The following ENO1 variants were observed in gnomAD, a reference collection of about 807,000 sequenced individuals.
The protein encoded by ENO1 is alpha-enolase.
ENO1 carries 33 observed loss-of-function variants against 46.3 expected under a neutral mutation model. The ratio of observed to expected loss-of-function variants is 0.71; its 90% CI spans 0.54 to 0.95. The LOEUF is 0.95. ENO1 is among the 40% of genes least tolerant of loss of function. ENO1 has a pLI of 0.00. For missense variants in ENO1, 488 were observed against 553.3 expected (o/e 0.88, Z 1.18); for synonymous variants, 220 against 216.0 (o/e 1.02, Z -0.16).
Position 8,865,433 on chromosome 1 carries a change from C to G in ENO1, c.717G>C (p.Lys239Asn), listed in dbSNP as rs762407240. 38 of 1,613,804 alleles carry G rather than the reference C, an allele frequency of 2.4e-5. No individual in the cohort carries two copies. In the East Asian group the frequency reaches 8.2e-4, roughly 35 times the overall value. The change falls in exon 8 of 12, where the codon AAG becomes AAC. Residue 239 changes from lysine (K) to asparagine (N), a missense_variant. Physicochemically the swap from Lys to Asn is moderately conservative, Grantham distance 94. Coordinates refer to ENST00000234590, the MANE Select transcript of ENO1 (RefSeq NM_001428.5). ...TAIGKAGYTD[K>N]VVIGMDVAAS... is the part of the protein sequence containing the mutation. ...CCGCTACGTCCATGCCGATGACCAC[C>G]TTATCAGTGTAGCCAGCTTTCCCAA...
In ENO1 at chr1:8,866,435, G is replaced by A; in HGVS notation, c.511C>T (p.Leu171Phe). ...CTGAAGTTTGCTGCACCGACTGGGA[G>A]GATCATGAACTCCTGCATGGCCAGC... Reference protein sequence around the residue: ...NKLAMQEFMILPVGAANFREA... With the variant: ...NKLAMQEFMIFPVGAANFREA... The change falls in exon 7 of 12, where the codon CTC (leucine) becomes TTC (phenylalanine). Residue 171 changes from leucine to phenylalanine, a missense_variant. Leu to Phe is a conservative substitution (Grantham distance 22). Transcript: ENST00000234590. 2 of 1,614,232 alleles carry A rather than the reference G, an allele frequency of 1.2e-6. No individual in the cohort carries two copies. Among genetic ancestry groups the A allele is most frequent in the East Asian group, 2.2e-5 (1 of 44,884 alleles).
intron 6 of ENO1, 75 bp downstream of exon 6, chr1:8,867,042 T>C (rs773140693): frequency 6.4e-6 from 10 of 1,572,472 alleles, no homozygotes; most frequent in Non-Finnish European, 8.7e-6. Flanking sequence ...TATCAAGGCA[T>C]AGGAGGTCTC....
chr1:8,878,614 C>T lies in ENO1; in HGVS notation c.-44G>A. ...GGGTCTCGTCGCCTAGGAGAGGAAGCGGAGGGTGCTGCAGACACCGAGGTG... is the reference window on the plus strand; with the variant it reads ...GGGTCTCGTCGCCTAGGAGAGGAAGTGGAGGGTGCTGCAGACACCGAGGTG... On this transcript the variant is annotated 5_prime_UTR_variant, in exon 1 of 12. Transcript: ENST00000234590. 1 of 456,078 alleles carries T rather than the reference C, an allele frequency of 2.2e-6. No individual in the cohort carries two copies. The highest frequency in any genetic ancestry group is 1.5e-5 in the South Asian group (1 of 64,566). 28.3% of individuals were successfully genotyped at this position (456,078 alleles called of 1,614,324 possible). A position where few individuals can be genotyped will look rare whatever the true frequency, so the allele number is the denominator to read the frequency against.
At chr1:8,878,210 C>T (rs1056127572) in intron 1 of ENO1, 1 of 196,152 alleles carries the variant, frequency 5.1e-6, no homozygotes, top group African/African-American at 2.4e-5. Context: ...TCCCAAAAAC[C>T]TTACACTTGG....
chr1:8,864,041 T>TTC lies in ENO1; in HGVS notation c.915_916dup (p.Lys306ArgfsTer11). The TTC allele has an allele frequency of 6.2e-7, 1 of 1,614,168 alleles. No individual in the cohort carries two copies. The highest frequency in any genetic ancestry group is 1.3e-5 in the African/African-American group (1 of 75,036). On this transcript the variant is annotated frameshift_variant, in exon 9 of 12. Transcript: ENST00000234590. LOFTEE classifies it high-confidence loss of function. ...CTGGATTCCTGCACTGGCTGTGAAC[T>TTC]TCTGCCAAGCTCCCCAGTCATCCTG...
chr1:8,867,276 A>C (rs746684013), intron 5 of ENO1, 26 bp from the exon 6 acceptor site: 1 of 1,611,970 alleles, frequency 6.2e-7, no homozygotes, highest in East Asian at 2.2e-5. Flanking sequence ...ACCGAGTGGA[A>C]TGAAGTCATT....
intron 9 of ENO1, among the ~76,000 whole-genome samples, 157 bp downstream of exon 9, chr1:8,863,729 GTTTAA>G (rs1289485247): frequency 2.0e-5 from 3 of 152,126 alleles, no homozygotes; most frequent in Non-Finnish European, 4.4e-5. Context: ...GGCCCCAATT[GTTTAA>G]TTTAAAAGGC....
intron 8 of ENO1, among the ~76,000 whole-genome samples, chr1:8,864,524 C>A (rs78542799): frequency 6.6e-6 from 1 of 152,214 alleles, no homozygotes; most frequent in Non-Finnish European, 1.5e-5. Flanking sequence ...CTAGGCTGAT[C>A]TCAAACTCCT....
At chr1:8,870,927 A>G in intron 3 of ENO1, 1 of 1,256,148 alleles carries the variant, frequency 8.0e-7, no homozygotes, top group East Asian at 2.9e-5. Flanking sequence ...AGAGACTCAG[A>G]AGAGAACCGG....
At position 8,866,329 on chromosome 1, in the gene ENO1, T is replaced by C. The variant is rs762484760; in HGVS notation, c.617A>G (p.Asn206Ser). Reference sequence around the variant, plus strand: ...AGCAAACCCGCCTTCATCCCCCACATTGGTGGCATCTTTCCCATATTTCTC... The same window carrying C: ...AGCAAACCCGCCTTCATCCCCCACACTGGTGGCATCTTTCCCATATTTCTC... ...IKEKYGKDAT[N>S]VGDEGGFAPN... The change falls in exon 7 of 12, where the codon AAT (asparagine) becomes AGT (serine). Residue 206 changes from asparagine (N) to serine (S), a missense_variant. By Grantham distance (46) the Asn-to-Ser change is conservative. Transcript: ENST00000234590. 2.5e-6 allele frequency: 4 copies of C among 1,614,104 alleles called. No homozygotes were observed. Among genetic ancestry groups the C allele is most frequent in the Admixed American group, 3.3e-5 (2 of 60,024 alleles).
intron 3 of ENO1, chr1:8,870,997 A>T: frequency 8.0e-7 from 1 of 1,243,670 alleles, no homozygotes; most frequent in African/African-American, 1.5e-5. Flanking sequence ...AGAGCATTTC[A>T]GGGGCCATGC....
intron 11 of ENO1, among the ~76,000 whole-genome samples, chr1:8,862,306 T>C (rs1005240093): frequency 3.3e-5 from 5 of 152,154 alleles, no homozygotes; most frequent in African/African-American, 1.2e-4. Context: ...GTTCACCTGC[T>C]TTTTTGTATA....
chr1:8,861,718 G>A (rs902331600), intron 11 of ENO1, among the ~76,000 whole-genome samples: 1 of 152,156 alleles, frequency 6.6e-6, no homozygotes, highest in Admixed American at 6.5e-5. Flanking sequence ...TGTTGCAGAG[G>A]AGCAAAGTAA....
intron 6 of ENO1, among the ~76,000 whole-genome samples, chr1:8,866,754 G>T (rs1642527432): frequency 6.6e-6 from 1 of 152,190 alleles, no homozygotes; most frequent in Admixed American, 6.5e-5. Context: ...TGATCCTCCT[G>T]CCTCAGCCTC....
chr1:8,872,017 A>G, intron 2 of ENO1, 31 bp from the exon 3 acceptor site: 5 of 1,591,372 alleles, frequency 3.1e-6, no homozygotes, highest in Non-Finnish European at 4.3e-6. Context: ...TGTAGTAGCA[A>G]TTCAGAAATC....
chr1:8,872,148 CAT>C (rs1642646712), intron 2 of ENO1, among the ~76,000 whole-genome samples, 162 bp from the exon 3 acceptor site: 2 of 152,228 alleles, frequency 1.3e-5, no homozygotes, highest in African/African-American at 2.4e-5. Flanking sequence ...ATGCCTTTCA[CAT>C]GTTTATGATC....
intron 2 of ENO1, among the ~76,000 whole-genome samples, chr1:8,873,126 G>A (rs28931270): frequency 6.6e-6 from 1 of 152,156 alleles, no homozygotes; most frequent in African/African-American, 2.4e-5. Context: ...CCCTACACTG[G>A]ATCAGGCAAA....
chr1:8,866,133 T>G (rs1234767812), intron 7 of ENO1, 146 bp downstream of exon 7: 4 of 588,798 alleles, frequency 6.8e-6, no homozygotes, highest in Non-Finnish European at 1.1e-5. Flanking sequence ...CCCCTTTTCC[T>G]CCTTAAAACC....
chr1:8,861,500 C>T (rs1642400902), intron 11 of ENO1, 71 bp from the exon 12 acceptor site: 2 of 1,536,356 alleles, frequency 1.3e-6, no homozygotes, highest in Non-Finnish European at 1.8e-6. Context: ...TAAGTTTTCC[C>T]ATCCTAGATG....
Sources: allele counts gnomAD v4.1 joint callset (sites outside exome capture counted in the v4.1 genomes callset), GRCh38; gene constraint gnomAD v4.1.1; transcripts MANE v1.5; gene names NCBI Gene and HGNC (gene_info 2026-07-23, HGNC 2026-07-21).